The following NALF1 variants were observed in gnomAD, a reference collection of about 807,000 sequenced individuals.
NALF1 encodes the protein family with sequence similarity 155 member A.
Under a neutral mutation model 48.4 loss-of-function variants are expected in NALF1, and 3 were observed. That is an observed-to-expected ratio of 0.06 (90% confidence interval 0.03 to 0.16). The LOEUF is 0.16. Among genes scored for constraint, NALF1 ranks in the 10% least tolerant of loss-of-function variants. The probability of loss-of-function intolerance (pLI) is 1.00; values close to 1 mark genes in which losing one functional copy is unlikely to be tolerated. For missense variants in NALF1, 526 were observed against 571.5 expected (o/e 0.92, Z 0.81); for synonymous variants, 262 against 245.7 (o/e 1.07, Z -0.62).
chr13:107,263,769 T>G (rs920514689), intron 1 of NALF1, among the ~76,000 whole-genome samples: 1 of 152,184 alleles, frequency 6.6e-6, no homozygotes, highest in Admixed American at 6.5e-5. Flanking sequence ...AGGTATGTCT[T>G]CATCAGCAGT....
intron 1 of NALF1, among the ~76,000 whole-genome samples, chr13:107,479,907 C>T (rs555731978): frequency 3.0e-4 from 46 of 152,086 alleles, no homozygotes; most frequent in African/African-American, 1.0e-3. Context: ...ACAGTTACTT[C>T]CATTCAGTTT....
At chr13:107,807,333 ACT>A (rs1050030149) in intron 1 of NALF1, among the ~76,000 whole-genome samples, 1 of 152,168 alleles carries the variant, frequency 6.6e-6, no homozygotes, top group Non-Finnish European at 1.5e-5. Context: ...CACCTGGATG[ACT>A]CTGCAAGAAC....
intron 1 of NALF1, among the ~76,000 whole-genome samples, chr13:107,588,331 G>GGTAT (rs1878513806): frequency 6.6e-6 from 1 of 152,066 alleles, no homozygotes; most frequent in African/African-American, 2.4e-5. Flanking sequence ...ATTGAACATG[G>GGTAT]GTATGTTGGA....
chr13:107,866,904 G>C lies in NALF1; in HGVS notation c.-308C>G, dbSNP rs1880754232. Among the ~76,000 whole-genome samples, 1 of 151,338 alleles carries C rather than the reference G, an allele frequency of 6.6e-6. No homozygotes were observed. Among genetic ancestry groups the C allele is most frequent in the African/African-American group, 2.4e-5 (1 of 41,320 alleles). On this transcript the variant is annotated 5_prime_UTR_variant, in exon 1 of 3. Coordinates refer to ENST00000375915, the MANE Select transcript of NALF1 (RefSeq NM_001080396.3). This position sits in a 1 kb window ranked among gnomAD's most constrained non-coding sequence, Gnocchi z 4.4. Reference sequence around the variant, plus strand: ...GTAGAGTGGGAAACAATAATGGAGAGAGAGAGAGAGAGAGAGACGGAGGAG... The same window carrying C: ...GTAGAGTGGGAAACAATAATGGAGACAGAGAGAGAGAGAGAGACGGAGGAG...
At chr13:107,769,755 A>C (rs1270024896) in intron 1 of NALF1, among the ~76,000 whole-genome samples, 1 of 152,092 alleles carries the variant, frequency 6.6e-6, no homozygotes, top group African/African-American at 2.4e-5. Context: ...ATTAACCCTT[A>C]TATAATCCAC....
chr13:107,670,074 GAT>G (rs1309133458), intron 1 of NALF1, among the ~76,000 whole-genome samples: 7 of 152,052 alleles, frequency 4.6e-5, no homozygotes, highest in Admixed American at 3.9e-4. Flanking sequence ...CTGTTGCAGT[GAT>G]ATGTTTATGC....
rs915113055 is a variant in NALF1, at chr13:107,384,326, A to G, written c.916-173571T>C. Among the ~76,000 whole-genome samples, 6 of 152,304 alleles carry G rather than the reference A, an allele frequency of 3.9e-5. No homozygotes were observed. The South Asian group carries it at 1.0e-3, about 26-fold the overall frequency. On this transcript the variant is annotated intron_variant, in intron 1 of 2. Coordinates refer to ENST00000375915, the MANE Select transcript of NALF1 (RefSeq NM_001080396.3). ...GCCTGCTCTGTATTAGAACAAGTAC[A>G]TCTAACCTCTAATGTCCATGTACCT...
chr13:107,382,066 G>A (rs564041137), intron 1 of NALF1, among the ~76,000 whole-genome samples: 26 of 152,234 alleles, frequency 1.7e-4, no homozygotes, highest in Middle Eastern at 3.4e-3. Flanking sequence ...CAATGGTACT[G>A]CTATGCCACT....
chr13:107,457,976 C>A (rs1884851699), intron 1 of NALF1, among the ~76,000 whole-genome samples: 1 of 152,084 alleles, frequency 6.6e-6, no homozygotes, highest in Non-Finnish European at 1.5e-5. Context: ...GATTAACTGA[C>A]AAACACTCCA....
intron 1 of NALF1, among the ~76,000 whole-genome samples, chr13:107,422,948 C>T (rs1295990363): frequency 6.6e-6 from 1 of 152,108 alleles, no homozygotes; most frequent in African/African-American, 2.4e-5. Flanking sequence ...TGAATGCTTT[C>T]CTAGAGCGTC....
At chr13:107,372,772 T>C (rs1883269245) in intron 1 of NALF1, among the ~76,000 whole-genome samples, 1 of 152,198 alleles carries the variant, frequency 6.6e-6, no homozygotes, top group African/African-American at 2.4e-5. Context: ...AAAGTTGCAA[T>C]AATGTATCAT....
chr13:107,731,535 G>A (rs894413681), intron 1 of NALF1, among the ~76,000 whole-genome samples: 2 of 152,100 alleles, frequency 1.3e-5, no homozygotes, highest in African/African-American at 4.8e-5. Flanking sequence ...ATTATTTTCT[G>A]TTGCTCTCCC....
At chr13:107,812,412 G>T (rs1192171560) in intron 1 of NALF1, among the ~76,000 whole-genome samples, 1 of 151,892 alleles carries the variant, frequency 6.6e-6, no homozygotes, top group Non-Finnish European at 1.5e-5. Flanking sequence ...ACTTGAAATG[G>T]GTTCTTTTGA....
At chr13:107,526,723 G>GGTAGAGATA (rs1876457283) in intron 1 of NALF1, among the ~76,000 whole-genome samples, 1 of 152,066 alleles carries the variant, frequency 6.6e-6, no homozygotes, top group Non-Finnish European at 1.5e-5. Context: ...ATTAACCATG[G>GGTAGAGATA]GTAGAGATAC....
chr13:107,569,671 T>C (rs1341071829), intron 1 of NALF1, among the ~76,000 whole-genome samples: 2 of 152,102 alleles, frequency 1.3e-5, no homozygotes, highest in African/African-American at 4.8e-5. Context: ...TCAGGAAGAG[T>C]GATTCTTCCC....
chr13:107,338,838 G>A lies in NALF1; in HGVS notation c.916-128083C>T, dbSNP rs183147581. 7.6e-4 allele frequency among the ~76,000 whole-genome samples: 115 copies of A among 152,132 alleles called. 2 individuals carry two copies. The East Asian group carries it at 0.019, about 25-fold the overall frequency. On this transcript the variant is annotated intron_variant, in intron 1 of 2. Coordinates refer to ENST00000375915, the MANE Select transcript of NALF1 (RefSeq NM_001080396.3). ...GTGGGTGCAAAACAATTCTAAAAAAGTTACAGCTTGACGGCCGGGAGCTGT... is the reference window on the plus strand; with the variant it reads ...GTGGGTGCAAAACAATTCTAAAAAAATTACAGCTTGACGGCCGGGAGCTGT...
intron 1 of NALF1, among the ~76,000 whole-genome samples, chr13:107,648,711 T>A (rs938338164): frequency 6.6e-6 from 1 of 152,184 alleles, no homozygotes; most frequent in Non-Finnish European, 1.5e-5. Flanking sequence ...GAAGACTGAT[T>A]GCTAGTTAAT....
chr13:107,483,687 CAG>C (rs1322244489), intron 1 of NALF1, among the ~76,000 whole-genome samples: 2 of 151,920 alleles, frequency 1.3e-5, no homozygotes, highest in Non-Finnish European at 2.9e-5. Flanking sequence ...ATAAGATTTA[CAG>C]AGAGAGGAAT....
chr13:107,194,945 G>A (rs1195209378), intron 2 of NALF1, among the ~76,000 whole-genome samples: 2 of 152,072 alleles, frequency 1.3e-5, no homozygotes, highest in African/African-American at 4.8e-5. Flanking sequence ...ATGTACAAAT[G>A]GCCAACAAAG....
Sources: gnomAD v4.1 joint callset for allele counts (sites outside exome capture counted in the v4.1 genomes callset) on GRCh38, gnomAD v4.1.1 for gene constraint, Gnocchi (gnomAD v3.1) non-coding constraint, MANE v1.5 for transcripts, NCBI Gene and HGNC (gene_info 2026-07-23, HGNC 2026-07-21) for gene names.